The following SUFU variants were observed in gnomAD, a reference collection of about 807,000 sequenced individuals.
SUFU encodes the protein SUFU negative regulator of hedgehog signaling.
In SUFU, 7 loss-of-function variants were observed where a neutral mutation model predicts 58.9. The observed-to-expected ratio is 0.12, with a 90% CI of 0.07 to 0.22. The LOEUF (loss-of-function observed/expected upper bound fraction) is 0.22, where lower values mean the gene tolerates loss of function less well. Ranked by LOEUF, SUFU falls within the 10% of genes least tolerant of loss-of-function variation. The pLI, the probability that SUFU is intolerant of heterozygous loss-of-function variation, is 1.00. For synonymous variants in SUFU, 232 were observed against 254.8 expected (o/e 0.91, Z 0.85); for missense variants, 451 against 641.3 (o/e 0.70, Z 3.20).
intron 8 of SUFU, among the ~76,000 whole-genome samples, chr10:102,610,252 G>T (rs998445748): frequency 1.3e-5 from 2 of 151,860 alleles, no homozygotes; most frequent in African/African-American, 4.8e-5. Flanking sequence ...AATTAGCCAG[G>T]TGTGGTGGTG....
chr10:102,539,418 A>T (rs551328642), intron 2 of SUFU, among the ~76,000 whole-genome samples: 1 of 144,066 alleles, frequency 6.9e-6, no homozygotes, highest in Non-Finnish European at 1.6e-5. Context: ...ACTGTTGATG[A>T]TGTCTAATTA....
chr10:102,529,028 C>G (rs1429256124), intron 2 of SUFU, among the ~76,000 whole-genome samples: 1 of 76,958 alleles, frequency 1.3e-5, no homozygotes, highest in South Asian at 3.6e-4. Flanking sequence ...GGTTTTTTTT[C>G]TATTATTTTG....
chr10:102,520,877 A>T (rs994680914), intron 2 of SUFU, among the ~76,000 whole-genome samples: 1 of 152,186 alleles, frequency 6.6e-6, no homozygotes, highest in East Asian at 1.9e-4. Context: ...CTTTTGAAAA[A>T]TATCTTGATT....
At chr10:102,567,247 G>A (rs1265727714) in intron 3 of SUFU, among the ~76,000 whole-genome samples, 10 of 151,586 alleles carry the variant, frequency 6.6e-5, no homozygotes, top group Admixed American at 5.3e-4. Flanking sequence ...TCCTGACCTC[G>A]TGATCCGCCT....
chr10:102,593,531 C>T (rs1411797109), intron 4 of SUFU, 105 bp from the exon 5 acceptor site: 6 of 1,106,096 alleles, frequency 5.4e-6, no homozygotes, highest in African/African-American at 3.1e-5. Flanking sequence ...CAGATCCTGC[C>T]TGTGGTCTCC....
At chr10:102,572,173 C>A (rs1002207586) in intron 3 of SUFU, among the ~76,000 whole-genome samples, 11 of 152,038 alleles carry the variant, frequency 7.2e-5, no homozygotes, top group Non-Finnish European at 1.6e-4. Flanking sequence ...TCAAGCCATT[C>A]TCCTGCCTCA....
chr10:102,550,963 C>T (rs552708588), intron 3 of SUFU, among the ~76,000 whole-genome samples: 3 of 152,188 alleles, frequency 2.0e-5, no homozygotes, highest in East Asian at 1.9e-4. Flanking sequence ...AGGCTGCTAT[C>T]GAACTCCTGA....
chr10:102,589,114 TG>T (rs1218994366), intron 3 of SUFU, among the ~76,000 whole-genome samples: 1 of 151,868 alleles, frequency 6.6e-6, no homozygotes, highest in Non-Finnish European at 1.5e-5. Context: ...TGTATGGAGA[TG>T]GGTGTTCTTG....
chr10:102,562,240 C>A (rs2063044751), intron 3 of SUFU, among the ~76,000 whole-genome samples: 1 of 152,108 alleles, frequency 6.6e-6, no homozygotes, highest in Admixed American at 6.6e-5. Flanking sequence ...ACTTGCTTTT[C>A]TATGCCAGGT....
intron 3 of SUFU, among the ~76,000 whole-genome samples, chr10:102,570,157 G>A (rs2063145555): frequency 6.6e-6 from 1 of 152,104 alleles, no homozygotes; most frequent in African/African-American, 2.4e-5. Flanking sequence ...TGCTGGCCCA[G>A]GCGCTTGTAG....
At chr10:102,622,426 G>A (rs563488471) in intron 10 of SUFU, among the ~76,000 whole-genome samples, 1 of 152,058 alleles carries the variant, frequency 6.6e-6, no homozygotes, top group South Asian at 2.1e-4. Context: ...CCTGACCAAT[G>A]TGGAGAAACC....
intron 2 of SUFU, among the ~76,000 whole-genome samples, chr10:102,513,596 G>C (rs562061342): frequency 1.3e-5 from 2 of 152,232 alleles, no homozygotes; most frequent in African/African-American, 4.8e-5. Context: ...TGTAAAACAC[G>C]GTCTGGGAGC....
At chr10:102,568,579 G>A (rs1252063495) in intron 3 of SUFU, among the ~76,000 whole-genome samples, 1 of 151,930 alleles carries the variant, frequency 6.6e-6, no homozygotes, top group East Asian at 1.9e-4. Context: ...TTCTAGCTAA[G>A]TAACTATAGT....
intron 2 of SUFU, among the ~76,000 whole-genome samples, chr10:102,516,845 T>C (rs968433030): frequency 3.3e-5 from 5 of 151,758 alleles, no homozygotes; most frequent in African/African-American, 1.2e-4. Context: ...AGCCTGTAGC[T>C]GGGCATGGTG....
chr10:102,603,534 T>G (rs1181235018), intron 8 of SUFU, among the ~76,000 whole-genome samples: 1 of 152,170 alleles, frequency 6.6e-6, no homozygotes, highest in East Asian at 1.9e-4. Flanking sequence ...GGAGAAGCAC[T>G]TTGTAGTTGA....
At chr10:102,580,681 G>A (rs951469203) in intron 3 of SUFU, among the ~76,000 whole-genome samples, 4 of 152,236 alleles carry the variant, frequency 2.6e-5, no homozygotes, top group South Asian at 2.1e-4. Context: ...GCCTGGAGGA[G>A]GCTCTGTGTC....
chr10:102,506,011 G>A (rs1252605985), intron 1 of SUFU, among the ~76,000 whole-genome samples: 2 of 142,666 alleles, frequency 1.4e-5, no homozygotes, highest in Non-Finnish European at 3.0e-5. Context: ...AGTGTGGGGA[G>A]CGTAGCCAGA....
At chr10:102,564,600 T>C (rs1459962384) in intron 3 of SUFU, among the ~76,000 whole-genome samples, 1 of 152,218 alleles carries the variant, frequency 6.6e-6, no homozygotes, top group South Asian at 2.1e-4. Flanking sequence ...CCCAAAGTAC[T>C]GGGGTTACAA....
At chr10:102,570,947 C>A (rs954833292) in intron 3 of SUFU, among the ~76,000 whole-genome samples, 3 of 151,978 alleles carry the variant, frequency 2.0e-5, no homozygotes, top group African/African-American at 7.3e-5. Flanking sequence ...ATTTTCAGTA[C>A]ACAAGGCAAT....
Sources: allele counts gnomAD v4.1 joint callset (sites outside exome capture counted in the v4.1 genomes callset), GRCh38; gene constraint gnomAD v4.1.1; transcripts MANE v1.5; gene names NCBI Gene and HGNC (gene_info 2026-07-23, HGNC 2026-07-21).